RGS5: variants seen among roughly 807,000 people sequenced by gnomAD.
RGS5 encodes the protein regulator of G-protein signalling 5.
In RGS5, 20 loss-of-function variants were observed where a neutral mutation model predicts 18.9. That is an observed-to-expected ratio of 1.06 (90% CI 0.74 to 1.54). The LOEUF (loss-of-function observed/expected upper bound fraction) is 1.54. RGS5 is among the 40% of genes most tolerant of loss of function. The pLI, the probability that RGS5 is intolerant of heterozygous loss-of-function variation, is 0.00. For synonymous variants in RGS5, 57 were observed against 76.2 expected, an observed-to-expected ratio of 0.75 and a Z score of 1.31; for missense variants, 201 against 211.8, an observed-to-expected ratio of 0.95 and a Z score of 0.32.
chr1:163,215,185 T>C lies in RGS5; in HGVS notation c.69+2341A>G, dbSNP rs148874559. 2.1e-3 allele frequency among the ~76,000 whole-genome samples: 323 copies of C among 152,326 alleles called. 1 individual carries two copies. Among genetic ancestry groups the C allele is most frequent in the Non-Finnish European group, 3.3e-3 (223 of 68,022 alleles). ...GTTGGTTTATATTTATCTATGTCATTCATTGTAAATGCTGCATGTATTTCA... is the reference window on the plus strand; with the variant it reads ...GTTGGTTTATATTTATCTATGTCATCCATTGTAAATGCTGCATGTATTTCA... On this transcript the variant is annotated intron_variant, in intron 1 of 5. Transcript: ENST00000367903.
chr1:163,188,330 A>T lies in RGS5; in HGVS notation c.44+14462T>A, dbSNP rs185283100. 2.0e-5 allele frequency among the ~76,000 whole-genome samples: 3 copies of T among 152,294 alleles called. No individual in the cohort carries two copies. The East Asian group carries it at 5.8e-4, about 29-fold the overall frequency. ...CAGTGTTGGACCAAGTTCAGGCATA[A>T]GTTTGTCTGAGCTTTAGCCACTATC... On this transcript the variant is annotated intron_variant, in intron 1 of 4. Transcript: ENST00000313961.
At chr1:163,150,196 C>T (rs1657317909) in intron 4 of RGS5, among the ~76,000 whole-genome samples, 1 of 147,142 alleles carries the variant, frequency 6.8e-6, no homozygotes, top group Admixed American at 6.8e-5. Context: ...GAATGAAGGG[C>T]AAGGCTATTT....
chr1:163,213,243 A>G (rs2101672787), intron 1 of RGS5, among the ~76,000 whole-genome samples: 1 of 152,320 alleles, frequency 6.6e-6, no homozygotes, highest in South Asian at 2.1e-4. Flanking sequence ...CCAAAAAAAA[A>G]GAAAACTGAT....
chr1:163,302,495 T>C (rs1571351075), intron 2 of RGS5, among the ~76,000 whole-genome samples: 1 of 152,280 alleles, frequency 6.6e-6, no homozygotes, highest in East Asian at 1.9e-4. Context: ...GGATGATTCT[T>C]TACACTCTCC....
intron 2 of RGS5, chr1:163,244,418 A>C (rs1331895764): frequency 1.3e-5 from 2 of 152,240 alleles, no homozygotes; most frequent in African/African-American, 2.4e-5. Context: ...TTAACCCAGC[A>C]AAGTTTATCA....
At chr1:163,259,756 A>C (rs927602344) in intron 2 of RGS5, 1 of 152,390 alleles carries the variant, frequency 6.6e-6, no homozygotes, top group Non-Finnish European at 1.5e-5. Context: ...AGAAGAAAAG[A>C]CATTAGGAAA....
intron 1 of RGS5, among the ~76,000 whole-genome samples, chr1:163,182,761 C>T (rs1044287897): frequency 2.6e-5 from 4 of 152,108 alleles, no homozygotes; most frequent in African/African-American, 9.7e-5. Flanking sequence ...GTGGAGGGGT[C>T]AGAAGGGATT....
At chr1:163,298,001 T>C (rs1649463108) in intron 2 of RGS5, among the ~76,000 whole-genome samples, 2 of 152,224 alleles carry the variant, frequency 1.3e-5, no homozygotes, top group Admixed American at 1.3e-4. Flanking sequence ...GTTGACTTGT[T>C]TCTCTGAAAG....
At position 163,240,111 on chromosome 1, in the gene RGS5, T is replaced by C. The variant is rs369910511; in HGVS notation, c.-281+66122A>G. Among the ~76,000 whole-genome samples the C allele has an allele frequency of 5.5e-4, 84 of 152,124 alleles. 3 individuals carry two copies. The South Asian group carries it at 0.016, about 30-fold the overall frequency. On this transcript the variant is annotated intron_variant, in intron 2 of 5. Coordinates refer to the RGS5 transcript ENST00000618415. ...GCCCTATGCCTCAGCAATTCCACTC[T>C]AAGTATTTACCAAAAGAAATAAAAA...
chr1:163,252,190 T>C (rs1280065118), intron 2 of RGS5, among the ~76,000 whole-genome samples: 3 of 152,320 alleles, frequency 2.0e-5, no homozygotes, highest in Non-Finnish European at 2.9e-5. Context: ...TCTCTGATTA[T>C]AGCCATTCTA....
At chr1:163,284,646 G>A (rs1414614783) in intron 2 of RGS5, among the ~76,000 whole-genome samples, 1 of 152,010 alleles carries the variant, frequency 6.6e-6, no homozygotes, top group Admixed American at 6.6e-5. Flanking sequence ...TGCTTTGTAG[G>A]TAACTTTTGT....
At chr1:163,272,299 T>G (rs1401870886) in intron 2 of RGS5, among the ~76,000 whole-genome samples, 1 of 152,188 alleles carries the variant, frequency 6.6e-6, no homozygotes, top group Non-Finnish European at 1.5e-5. Flanking sequence ...ATATGTATGC[T>G]GGATACAAGT....
At chr1:163,246,681 T>G (rs1647951746) in intron 2 of RGS5, among the ~76,000 whole-genome samples, 1 of 152,228 alleles carries the variant, frequency 6.6e-6, no homozygotes, top group Admixed American at 6.5e-5. Context: ...TACAGTGATA[T>G]ATTGTTACAA....
intron 2 of RGS5, among the ~76,000 whole-genome samples, chr1:163,270,429 A>G (rs1452108423): frequency 1.3e-5 from 2 of 149,750 alleles, no homozygotes; most frequent in African/African-American, 4.9e-5. Context: ...CTGAGGTGGG[A>G]GTATTGCTTG....
chr1:163,251,086 C>A (rs1319391792), intron 2 of RGS5, among the ~76,000 whole-genome samples: 1 of 152,068 alleles, frequency 6.6e-6, no homozygotes, highest in Admixed American at 6.6e-5. Context: ...CGAAGGTTAT[C>A]TAGTAATACA....
chr1:163,219,160 G>C (rs1350994361), upstream of RGS5, among the ~76,000 whole-genome samples: 51 of 152,098 alleles, frequency 3.4e-4, no homozygotes, highest in Admixed American at 3.3e-3. Flanking sequence ...CAAGTGGAGA[G>C]CTCTACGGAT....
intron 2 of RGS5, among the ~76,000 whole-genome samples, chr1:163,265,231 C>G (rs997264973): frequency 1.3e-5 from 2 of 152,034 alleles, no homozygotes; most frequent in Admixed American, 6.6e-5. Context: ...CGATCATATC[C>G]CTTAAGTTCA....
chr1:163,194,772 A>G (rs1659495954), intron 1 of RGS5, among the ~76,000 whole-genome samples: 1 of 152,204 alleles, frequency 6.6e-6, no homozygotes. Context: ...CAATTGAGAA[A>G]AGAGCATTGA....
At chr1:163,239,033 T>C (rs554537326) in intron 2 of RGS5, 3 of 215,680 alleles carry the variant, frequency 1.4e-5, no homozygotes, top group African/African-American at 7.0e-5. Context: ...TGTGAGCTAC[T>C]GCGGTACCAA....
Sources: allele counts gnomAD v4.1 joint callset (sites outside exome capture counted in the v4.1 genomes callset), GRCh38; gene constraint gnomAD v4.1.1; transcripts MANE v1.5; gene names NCBI Gene and HGNC (gene_info 2026-07-23, HGNC 2026-07-21).